MAP4K5: variants seen among roughly 807,000 people sequenced by gnomAD.
MAP4K5 encodes the protein mitogen-activated protein kinase kinase kinase kinase 5, also known as MAPK/ERK kinase kinase kinase 5.
A neutral mutation model predicts 135.6 loss-of-function variants in MAP4K5; 82 were observed. The observed-to-expected ratio is 0.60, with a 90% confidence interval of 0.51 to 0.73. The LOEUF (loss-of-function observed/expected upper bound fraction) is 0.73. Ranked by LOEUF, MAP4K5 falls within the 30% of genes least tolerant of loss-of-function variation. The pLI is 0.00. For synonymous variants in MAP4K5, 347 were observed against 335.0 expected, an observed-to-expected ratio of 1.04 and a Z score of -0.39; for missense variants, 907 against 1,010.9, an observed-to-expected ratio of 0.90 and a Z score of 1.39.
intron 3 of MAP4K5, among the ~76,000 whole-genome samples, chr14:50,500,428 T>C (rs375813481): frequency 2.0e-5 from 3 of 152,280 alleles, no homozygotes; most frequent in East Asian, 3.9e-4. Flanking sequence ...AGAATTGCTT[T>C]AATCTTGGAC....
intron 2 of MAP4K5, among the ~76,000 whole-genome samples, chr14:50,526,427 C>T (rs756134652): frequency 2.3e-4 from 35 of 152,294 alleles, no homozygotes; most frequent in Non-Finnish European, 4.0e-4. Flanking sequence ...TCCCAAGTAG[C>T]TGGGATTATA....
At chr14:50,478,015 T>C (rs1470953485) in intron 6 of MAP4K5, among the ~76,000 whole-genome samples, 1 of 152,146 alleles carries the variant, frequency 6.6e-6, no homozygotes, top group Non-Finnish European at 1.5e-5. Flanking sequence ...TCTAGATAGG[T>C]ATATATAGGA....
At chr14:50,515,527 C>T (rs973287044) in intron 2 of MAP4K5, among the ~76,000 whole-genome samples, 1 of 152,130 alleles carries the variant, frequency 6.6e-6, no homozygotes, top group Non-Finnish European at 1.5e-5. Context: ...ATTGTACTAG[C>T]CTGGCAAAAT....
At chr14:50,498,335 G>A (rs2037637162) in intron 3 of MAP4K5, among the ~76,000 whole-genome samples, 1 of 152,112 alleles carries the variant, frequency 6.6e-6, no homozygotes, top group African/African-American at 2.4e-5. Context: ...TTTGTAAGGT[G>A]GTGACTTTAG....
chr14:50,551,331 A>T (rs2038699385), intron 1 of MAP4K5, among the ~76,000 whole-genome samples: 1 of 128,750 alleles, frequency 7.8e-6, no homozygotes, highest in Non-Finnish European at 1.7e-5. Flanking sequence ...ATCAGGAAGA[A>T]ATAGAAACTC....
intron 2 of MAP4K5, among the ~76,000 whole-genome samples, chr14:50,518,444 C>T (rs1332350315): frequency 6.6e-6 from 1 of 152,158 alleles, no homozygotes; most frequent in Non-Finnish European, 1.5e-5. Context: ...CTCCCTGTGT[C>T]CCTGTGTTCT....
chr14:50,543,799 G>A (rs924812445), intron 1 of MAP4K5, among the ~76,000 whole-genome samples: 2 of 152,162 alleles, frequency 1.3e-5, no homozygotes, highest in Non-Finnish European at 2.9e-5. Context: ...TCTCTTGAAA[G>A]TTTTTTTCTC....
At chr14:50,558,561 G>A (rs2038793430) in intron 1 of MAP4K5, among the ~76,000 whole-genome samples, 1 of 152,134 alleles carries the variant, frequency 6.6e-6, no homozygotes, top group African/African-American at 2.4e-5. Context: ...TTCACCTGCA[G>A]ATTACTTACT....
At chr14:50,463,589 T>C (rs2036759383) in intron 12 of MAP4K5, among the ~76,000 whole-genome samples, 1 of 152,074 alleles carries the variant, frequency 6.6e-6, no homozygotes, top group Non-Finnish European at 1.5e-5. Context: ...GACCCGCCTA[T>C]AGAAAATTTG....
At chr14:50,501,462 CAG>C (rs763203705) in intron 3 of MAP4K5, among the ~76,000 whole-genome samples, 4 of 151,632 alleles carry the variant, frequency 2.6e-5, no homozygotes, top group Non-Finnish European at 4.4e-5. Context: ...AAAACAACAA[CAG>C]AATTAAAATT....
At chr14:50,514,882 T>G (rs2038001113) in intron 2 of MAP4K5, among the ~76,000 whole-genome samples, 1 of 149,664 alleles carries the variant, frequency 6.7e-6, no homozygotes, top group African/African-American at 2.5e-5. Context: ...AGCTATCATA[T>G]ACTAACTTCT....
At chr14:50,510,479 A>T (rs1156498293) in intron 2 of MAP4K5, among the ~76,000 whole-genome samples, 2 of 152,198 alleles carry the variant, frequency 1.3e-5, no homozygotes, top group Non-Finnish European at 2.9e-5. Flanking sequence ...GATCCTTTGA[A>T]AGGCTGTGCC....
intron 6 of MAP4K5, among the ~76,000 whole-genome samples, chr14:50,479,163 C>T (rs2037178400): frequency 1.4e-5 from 2 of 146,480 alleles, no homozygotes; most frequent in African/African-American, 5.0e-5. Context: ...TCCCTTTTTT[C>T]TCTTTGTCTC....
chr14:50,534,108 C>T (rs946569932), upstream of MAP4K5, among the ~76,000 whole-genome samples: 2 of 152,168 alleles, frequency 1.3e-5, no homozygotes, highest in African/African-American at 4.8e-5. Context: ...TGTTTACTGT[C>T]ATAGATTCAT....
At chr14:50,476,845 T>G (rs962666212) in intron 6 of MAP4K5, among the ~76,000 whole-genome samples, 35 of 152,224 alleles carry the variant, frequency 2.3e-4, no homozygotes, top group African/African-American at 7.5e-4. Context: ...TAATTACTCC[T>G]AAAAGTTTCC....
chr14:50,450,130 TGGG>T (rs2036449889), intron 14 of MAP4K5: 1 of 152,040 alleles, frequency 6.6e-6, no homozygotes, highest in Non-Finnish European at 1.5e-5. Flanking sequence ...TCAGTAGAGA[TGGG>T]GTTTCACCAT....
intron 3 of MAP4K5, among the ~76,000 whole-genome samples, chr14:50,492,978 G>T (rs2037515822): frequency 6.7e-6 from 1 of 149,908 alleles, no homozygotes; most frequent in Non-Finnish European, 1.5e-5. Flanking sequence ...AGGCTGCACT[G>T]AGCTATGACT....
chr14:50,510,253 T>A (rs1254107254), intron 2 of MAP4K5, among the ~76,000 whole-genome samples: 1 of 152,226 alleles, frequency 6.6e-6, no homozygotes, highest in African/African-American at 2.4e-5. Context: ...CAATTAATTC[T>A]GATTTTAGTC....
In MAP4K5 at chr14:50,560,339, C is replaced by T. The variant is rs372224898; in HGVS notation, c.-180+701G>A. 4 of 1,609,020 alleles carry T rather than the reference C, an allele frequency of 2.5e-6. No individual in the cohort carries two copies. In the African/African-American group the frequency reaches 5.3e-5, roughly 22 times the overall value. On this transcript the variant is annotated intron_variant, in intron 1 of 8. Coordinates refer to the MAP4K5 transcript ENST00000555216. ...AGAACTTCTGCAGCCTGCACGGGGT[C>T]TTCTGGCCCTCCACTTTCTGCTTCT... is the stretch of plus-strand genomic sequence containing the variant.
Sources: allele counts gnomAD v4.1 joint callset (sites outside exome capture counted in the v4.1 genomes callset), GRCh38; gene constraint gnomAD v4.1.1; transcripts MANE v1.5; gene names NCBI Gene and HGNC (gene_info 2026-07-23, HGNC 2026-07-21).